Variants in PHLPP2 observed in about 807,000 individuals in gnomAD.
PHLPP2 encodes the protein PH domain leucine-rich repeat-containing protein phosphatase 2.
A neutral mutation model predicts 124.9 loss-of-function variants in PHLPP2; 66 were observed. The ratio of observed to expected loss-of-function variants is 0.53; its 90% confidence interval spans 0.43 to 0.65. The LOEUF is 0.65. Among genes scored for constraint, PHLPP2 ranks in the 30% least tolerant of loss-of-function variants. The probability of loss-of-function intolerance (pLI) is 0.00; values close to 1 mark genes in which losing one functional copy is unlikely to be tolerated. For missense variants in PHLPP2, 1,685 were observed against 1,600.4 expected, an observed-to-expected ratio of 1.05 and a Z score of -0.90; for synonymous variants, 681 against 624.7, an observed-to-expected ratio of 1.09 and a Z score of -1.34.
intron 5 of PHLPP2, 116 bp from the exon 6 acceptor site, chr16:71,682,021 G>A (rs202195787): frequency 1.2e-5 from 6 of 519,248 alleles, no homozygotes; most frequent in African/African-American, 8.6e-5. Flanking sequence ...GGAAAAAAAA[G>A]GCAATAAGAT....
At position 71,709,313 on chromosome 16, in the gene PHLPP2, A is replaced by G. The variant is rs111600897; in HGVS notation, c.284+5199T>C. Among the ~76,000 whole-genome samples, 428 of 152,324 alleles carry G rather than the reference A, an allele frequency of 2.8e-3. 2 individuals carry two copies. The highest frequency in any genetic ancestry group is 9.3e-3 in the African/African-American group (387 of 41,588). On this transcript the variant is annotated intron_variant, in intron 2 of 18. Transcript: ENST00000568954. ...ACTCAGCAAATGGGAATCAGAACTC[A>G]GCATCCCAAATCCCAAGGGTGCTAT...
intron 1 of PHLPP2, among the ~76,000 whole-genome samples, chr16:71,720,261 G>T (rs965822813): frequency 1.3e-5 from 2 of 151,544 alleles, no homozygotes. Context: ...GAGCCACCGC[G>T]CCTGGCCACG....
Position 71,664,118 on chromosome 16 carries a change from A to T in PHLPP2, c.1785-19T>A. ...TCTGAGACTGACAGAACACACACAG[A>T]TCATCACCTCCTTTAAGTTTATTTG... On this transcript the variant is annotated intron_variant, in intron 12 of 18. Coordinates refer to ENST00000568954, the MANE Select transcript of PHLPP2 (RefSeq NM_015020.3). The T allele has an allele frequency of 6.5e-7, 1 of 1,549,092 alleles. No homozygotes were observed. Among genetic ancestry groups the T allele is most frequent in the Non-Finnish European group, 8.9e-7 (1 of 1,120,654 alleles).
At chr16:71,697,805 C>T (rs1020557999) in intron 3 of PHLPP2, among the ~76,000 whole-genome samples, 4 of 149,370 alleles carry the variant, frequency 2.7e-5, no homozygotes, top group African/African-American at 1.0e-4. Flanking sequence ...TGCTCTTTCT[C>T]TCTCTCTCTC....
chr16:71,672,383 GA>G, intron 9 of PHLPP2, 61 bp from the exon 10 acceptor site: 1 of 1,195,506 alleles, frequency 8.4e-7, no homozygotes, highest in Non-Finnish European at 1.2e-6. Flanking sequence ...ACTGAGAGCT[GA>G]CAATGGAAAA....
In PHLPP2 at chr16:71,656,696, G is replaced by C; in HGVS notation, c.2280-15C>G. 1 of 1,426,562 alleles carries C rather than the reference G, an allele frequency of 7.0e-7. No individual in the cohort carries two copies. Among genetic ancestry groups the C allele is most frequent in the Non-Finnish European group, 9.9e-7 (1 of 1,009,582 alleles). The allele number at this position is 1,426,562 out of a possible 1,614,324, so 88.4% of individuals were successfully genotyped here. A position where few individuals can be genotyped will look rare whatever the true frequency, so the allele number is the denominator to read the frequency against. Reference sequence around the variant, plus strand: ...TTGTGATATGGCTGTGGGAGGTGAAGGAAGATTAAACCATATATTCTTCTG... The same window carrying C: ...TTGTGATATGGCTGTGGGAGGTGAACGAAGATTAAACCATATATTCTTCTG... On this transcript the variant is annotated splice_polypyrimidine_tract_variant and intron_variant, in intron 15 of 18. Transcript: ENST00000568954.
At chr16:71,653,293 T>C (rs2044711463) in intron 17 of PHLPP2, among the ~76,000 whole-genome samples, 1 of 152,076 alleles carries the variant, frequency 6.6e-6, no homozygotes, top group Non-Finnish European at 1.5e-5. Context: ...GATCAAAGAC[T>C]TCCTAATTCA....
chr16:71,652,175 T>C (rs1387770376), intron 18 of PHLPP2, among the ~76,000 whole-genome samples: 1 of 152,154 alleles, frequency 6.6e-6, no homozygotes, highest in Non-Finnish European at 1.5e-5. Context: ...CTCTTAAAAC[T>C]CAACAATACA....
intron 3 of PHLPP2, among the ~76,000 whole-genome samples, chr16:71,693,264 G>T (rs1312525818): frequency 1.3e-5 from 2 of 152,040 alleles, no homozygotes; most frequent in East Asian, 3.9e-4. Context: ...TCCAGCCTGG[G>T]GGACAAAGCG....
intron 4 of PHLPP2, among the ~76,000 whole-genome samples, chr16:71,686,346 A>AT (rs910400432): frequency 4.6e-5 from 7 of 151,606 alleles, no homozygotes; most frequent in African/African-American, 7.3e-5. Context: ...CTAATTTTTT[A>AT]TTTTTTTGTA....
chr16:71,696,443 C>A (rs1366644897), intron 3 of PHLPP2, among the ~76,000 whole-genome samples: 1 of 151,986 alleles, frequency 6.6e-6, no homozygotes, highest in Non-Finnish European at 1.5e-5. Flanking sequence ...TCGAGACCAG[C>A]CTGACCAACA....
rs542839793 is a variant in PHLPP2, at chr16:71,695,292, T to C, written c.419-4583A>G. On this transcript the variant is annotated intron_variant, in intron 3 of 18. Transcript: ENST00000568954. ...GAAGGAATACAGGTGCATAAAGAGA[T>C]AATTTTACTAAAATGGCTGTTTTAA... Among the ~76,000 whole-genome samples, 8 of 152,328 alleles carry C rather than the reference T, an allele frequency of 5.3e-5. No individual in the cohort carries two copies. The East Asian group carries it at 1.2e-3, about 22-fold the overall frequency.
chr16:71,714,063 C>G (rs1033666067), intron 2 of PHLPP2, among the ~76,000 whole-genome samples: 14 of 151,682 alleles, frequency 9.2e-5, no homozygotes, highest in African/African-American at 3.4e-4. Context: ...TCTCAGCCTC[C>G]TGACTAGCTG....
At chr16:71,658,908 C>A (rs1470253718) in intron 13 of PHLPP2, 93 bp from the exon 14 acceptor site, 1 of 1,075,580 alleles carries the variant, frequency 9.3e-7, no homozygotes, top group African/African-American at 1.6e-5. Context: ...TACAGAAGGC[C>A]GACACGGTCC....
At chr16:71,718,634 G>A (rs1487068426) in intron 1 of PHLPP2, among the ~76,000 whole-genome samples, 1 of 150,108 alleles carries the variant, frequency 6.7e-6, no homozygotes, top group Non-Finnish European at 1.5e-5. Context: ...AGGAGGCCAA[G>A]GAGGGAGGAT....
chr16:71,723,656 TC>T, intron 1 of PHLPP2: 1 of 458,418 alleles, frequency 2.2e-6, no homozygotes, highest in South Asian at 5.5e-5. Flanking sequence ...GCCGACTGCC[TC>T]AGCCACTGCG....
intron 1 of PHLPP2, among the ~76,000 whole-genome samples, chr16:71,718,483 G>A (rs766135240): frequency 1.3e-5 from 2 of 151,816 alleles, no homozygotes; most frequent in African/African-American, 4.8e-5. Flanking sequence ...GGGAGGCTGA[G>A]GCAAGGAAAT....
chr16:71,710,570 T>C (rs1046860904), intron 2 of PHLPP2, among the ~76,000 whole-genome samples: 9 of 152,214 alleles, frequency 5.9e-5, no homozygotes, highest in East Asian at 1.9e-4. Flanking sequence ...GTAATATTTA[T>C]TGAGCACTTG....
chr16:71,704,012 T>C (rs2045254715), intron 2 of PHLPP2, among the ~76,000 whole-genome samples: 1 of 152,102 alleles, frequency 6.6e-6, no homozygotes, highest in South Asian at 2.1e-4. Context: ...AAAGAACCTG[T>C]TAAGAACCTG....
Sources: gnomAD v4.1 joint callset for allele counts (sites outside exome capture counted in the v4.1 genomes callset) on GRCh38, gnomAD v4.1.1 for gene constraint, MANE v1.5 for transcripts, NCBI Gene and HGNC (gene_info 2026-07-23, HGNC 2026-07-21) for gene names.